Variants in LCK observed in about 807,000 individuals in gnomAD.
LCK encodes tyrosine-protein kinase Lck.
A neutral mutation model predicts 64.6 loss-of-function variants in LCK; 14 were observed. That is an observed-to-expected ratio of 0.22 (90% CI 0.14 to 0.34). The LOEUF (loss-of-function observed/expected upper bound fraction) is 0.34. Ranked by LOEUF, LCK falls within the 10% of genes least tolerant of loss-of-function variation. The pLI is 1.00. For synonymous variants in LCK, 277 were observed against 263.6 expected (o/e 1.05, Z -0.49); for missense variants, 434 against 668.1 (o/e 0.65, Z 3.86).
chr1:32,274,292 GA>G, intron 1 of LCK, 32 bp from the exon 2 acceptor site: 1 of 1,613,768 alleles, frequency 6.2e-7, no homozygotes, highest in South Asian at 1.1e-5. Flanking sequence ...GATCTTGGGG[GA>G]GCCCCTTCAG....
At chr1:32,282,416 A>G (rs1477060249) in intron 12 of LCK, among the ~76,000 whole-genome samples, 1 of 152,220 alleles carries the variant, frequency 6.6e-6, no homozygotes, top group Admixed American at 6.5e-5. Context: ...GGACCCAAAA[A>G]AACAGATCTT....
intron 1 of LCK, among the ~76,000 whole-genome samples, chr1:32,252,260 G>A (rs1301444757): frequency 1.3e-5 from 2 of 152,080 alleles, no homozygotes; most frequent in African/African-American, 2.4e-5. Flanking sequence ...TCCTCCCCTC[G>A]CCCCTGGCTC....
intron 1 of LCK, among the ~76,000 whole-genome samples, chr1:32,259,009 G>A (rs114352097): frequency 6.6e-6 from 1 of 150,802 alleles, no homozygotes; most frequent in Non-Finnish European, 1.5e-5. Flanking sequence ...GGGCCACAGA[G>A]TGAGATACCA....
chr1:32,272,601 GAGAA>G (rs1640109942), intron 1 of LCK, among the ~76,000 whole-genome samples: 1 of 147,612 alleles, frequency 6.8e-6, no homozygotes, highest in Non-Finnish European at 1.5e-5. Flanking sequence ...GAGAGAGAGA[GAGAA>G]AGAGAGAGAG....
At chr1:32,280,496 C>T (rs1640425080) in intron 12 of LCK, among the ~76,000 whole-genome samples, 1 of 117,016 alleles carries the variant, frequency 8.5e-6, no homozygotes, top group South Asian at 3.0e-4. Context: ...TGCTCTGTCT[C>T]CCAGGCTGGG....
At chr1:32,259,112 TACTGACGGGGC>T (rs1267879872) in intron 1 of LCK, among the ~76,000 whole-genome samples, 2 of 151,530 alleles carry the variant, frequency 1.3e-5, no homozygotes, top group Admixed American at 6.6e-5. Context: ...AGAAATTAAT[TACTGACGGGGC>T]ACGGTAGCCC....
rs1459582916 is a variant in LCK at position 32,251,743 on chromosome 1, G to C, written c.-6+372G>C. On this transcript the variant is annotated intron_variant, in intron 1 of 12. Transcript: ENST00000336890. The surrounding 1 kb of genome is among the most constrained non-coding windows in gnomAD (Gnocchi z 4.0). ...AGAGAACAAGGCACTCACTGCCCAC[G>C]GTTTCTCAGCAAGGCAGTGGCAGGG... Among the ~76,000 whole-genome samples the C allele has an allele frequency of 6.6e-6, 1 of 152,150 alleles. No individual in the cohort carries two copies. Among genetic ancestry groups the C allele is most frequent in the African/African-American group, 2.4e-5 (1 of 41,440 alleles).
chr1:32,260,917 C>T (rs985675801), intron 1 of LCK, among the ~76,000 whole-genome samples: 3 of 152,126 alleles, frequency 2.0e-5, no homozygotes, highest in Non-Finnish European at 2.9e-5. Flanking sequence ...CCATTGCATC[C>T]GACCACCTGC....
At chr1:32,278,674 T>C (rs1471395755) in intron 9 of LCK, among the ~76,000 whole-genome samples, 1 of 152,170 alleles carries the variant, frequency 6.6e-6, no homozygotes, top group African/African-American at 2.4e-5. Context: ...TAGTTGCTTG[T>C]AGTGCTGGAG....
chr1:32,255,383 T>A (rs574594592), intron 1 of LCK, among the ~76,000 whole-genome samples: 18 of 152,358 alleles, frequency 1.2e-4, no homozygotes, highest in Non-Finnish European at 1.9e-4. Flanking sequence ...ATCCCCTGTA[T>A]ACATATGTCA....
At chr1:32,252,295 T>C (rs1323053923) in intron 1 of LCK, among the ~76,000 whole-genome samples, 1 of 152,098 alleles carries the variant, frequency 6.6e-6, no homozygotes, top group Non-Finnish European at 1.5e-5. Context: ...CCTGCCTGTG[T>C]AGGGCCAGTT....
In LCK at chr1:32,257,235, GT is replaced by G. The variant is rs1250027939; in HGVS notation, c.-6+5878del. 2.2e-3 allele frequency among the ~76,000 whole-genome samples: 302 copies of G among 134,516 alleles called. 2 individuals carry two copies. The highest frequency in any genetic ancestry group is 0.019 in the East Asian group (89 of 4,680). 88.2% of individuals were successfully genotyped at this position (134,516 alleles called of 152,430 possible). On this transcript the variant is annotated intron_variant, in intron 1 of 12. Transcript: ENST00000336890. ...CAACAACCTTCTGCCAGTAAGTCTT[GT>G]TTTTTTTTTTTTTGTTTTTTTTGTT...
At chr1:32,271,578 C>T (rs2124342821) in intron 1 of LCK, among the ~76,000 whole-genome samples, 1 of 152,294 alleles carries the variant, frequency 6.6e-6, no homozygotes, top group East Asian at 1.9e-4. Context: ...GTTAGAGGAT[C>T]ACTTGAGCCC....
chr1:32,265,913 CTG>C (rs1479991657), intron 1 of LCK, among the ~76,000 whole-genome samples: 1 of 152,214 alleles, frequency 6.6e-6, no homozygotes, highest in Non-Finnish European at 1.5e-5. Context: ...GGCAATTCTC[CTG>C]CCTTGGTTTC....
chr1:32,280,314 C>G, intron 12 of LCK, 104 bp downstream of exon 12: 3 of 1,443,686 alleles, frequency 2.1e-6, no homozygotes, highest in Non-Finnish European at 2.8e-6. Context: ...GTAGCTGCAT[C>G]TCCTCTATCT....
intron 9 of LCK, 40 bp from the exon 10 acceptor site, chr1:32,279,630 CT>C: frequency 6.2e-7 from 1 of 1,613,870 alleles, no homozygotes; most frequent in Non-Finnish European, 8.5e-7. Flanking sequence ...GGGCCTCCCC[CT>C]GGGGCAACTT....
chr1:32,284,988 C>T (rs1640572372), intron 12 of LCK, among the ~76,000 whole-genome samples: 1 of 147,434 alleles, frequency 6.8e-6, no homozygotes, highest in Non-Finnish European at 1.5e-5. Context: ...TAGTGAGATC[C>T]CTTATCTAAA....
chr1:32,285,782 T>C lies in LCK; in HGVS notation c.*66T>C. On this transcript the variant is annotated 3_prime_UTR_variant, in exon 13 of 13. Coordinates refer to ENST00000336890, the MANE Select transcript of LCK (RefSeq NM_005356.5). The stretch of plus-strand genomic sequence containing the variant: ...AGCCTGACTTGGGGAGATGGAGTTC[T>C]TGTGCCATAGTCACATGGCCTATGC... The C allele has an allele frequency of 6.6e-7, 1 of 1,506,574 alleles. No individual in the cohort carries two copies. Among genetic ancestry groups the C allele is most frequent in the South Asian group, 1.2e-5 (1 of 83,238 alleles). 93.3% of individuals were successfully genotyped at this position (1,506,574 alleles called of 1,614,324 possible). A position where few individuals can be genotyped will look rare whatever the true frequency, so the allele number is the denominator to read the frequency against.
chr1:32,282,190 C>T (rs1640482287), intron 12 of LCK, among the ~76,000 whole-genome samples: 1 of 152,232 alleles, frequency 6.6e-6, no homozygotes, highest in African/African-American at 2.4e-5. Context: ...CAGAAATATT[C>T]TCCAGTTATC....
Sources: gnomAD v4.1 joint callset for allele counts (sites outside exome capture counted in the v4.1 genomes callset) on GRCh38, gnomAD v4.1.1 for gene constraint, Gnocchi (gnomAD v3.1) non-coding constraint, MANE v1.5 for transcripts, NCBI Gene and HGNC (gene_info 2026-07-23, HGNC 2026-07-21) for gene names.